GNB5: variants seen among roughly 807,000 people sequenced by gnomAD.
GNB5 encodes G protein subunit beta 5, also known as guanine nucleotide-binding protein subunit beta-5.
In GNB5, 37 loss-of-function variants were observed where a neutral mutation model predicts 55.3. That is an observed-to-expected ratio of 0.67 (90% CI 0.51 to 0.88). The LOEUF is 0.88. GNB5 is among the 40% of genes least tolerant of loss of function. The pLI, the probability that GNB5 is intolerant of heterozygous loss-of-function variation, is 0.00. For missense variants in GNB5, 476 were observed against 515.3 expected (o/e 0.92, Z 0.74); for synonymous variants, 219 against 198.5 (o/e 1.10, Z -0.87).
intron 3 of GNB5, among the ~76,000 whole-genome samples, chr15:52,177,848 T>C (rs2034683284): frequency 6.6e-6 from 1 of 152,136 alleles, no homozygotes; most frequent in South Asian, 2.1e-4. Context: ...TTCTGGTCTT[T>C]CCAGCTCACA....
intron 3 of GNB5, among the ~76,000 whole-genome samples, chr15:52,157,250 C>CT (rs74508387): frequency 0.17 from 18,626 of 111,052 alleles, 1,458 homozygotes; most frequent in Middle Eastern, 0.3. Context: ...TCTTATAGGC[C>CT]TTTTTTTTTT....
Position 52,141,120 on chromosome 15 carries a change from A to G in GNB5, c.627+20T>C. On this transcript the variant is annotated intron_variant, in intron 7 of 12. Transcript: ENST00000261837. ...GTGCTCCTTGGCAGGTCAACCTGAC[A>G]CCGGGGGCTGCCTATTTACCTGCAT... 1.2e-6 allele frequency: 2 copies of G among 1,613,326 alleles called. No homozygotes were observed. The highest frequency in any genetic ancestry group is 1.7e-6 in the Non-Finnish European group (2 of 1,179,336).
chr15:52,120,649 A>AG lies in GNB5; in HGVS notation c.*2107dup, dbSNP rs1250738431. On this transcript the variant is annotated 3_prime_UTR_variant, in exon 13 of 13. Coordinates refer to ENST00000261837, the MANE Select transcript of GNB5 (RefSeq NM_016194.4). Reference sequence around the variant, plus strand: ...AAAAAAAAAAATGGCTGTGGGAGAGAGGGTTGGGGATGCCACCACAAGGAG... The same window carrying AG: ...AAAAAAAAAAATGGCTGTGGGAGAGAGGGGTTGGGGATGCCACCACAAGGAG... The AG allele has an allele frequency of 6.7e-6, 1 of 149,900 alleles. No individual in the cohort carries two copies. Among genetic ancestry groups the AG allele is most frequent in the African/African-American group, 2.5e-5 (1 of 40,714 alleles). The allele number at this position is 149,900 out of a possible 1,614,324, so 9.3% of individuals were successfully genotyped here.
chr15:52,137,820 G>A, intron 7 of GNB5: 1 of 1,278,522 alleles, frequency 7.8e-7, no homozygotes, highest in Non-Finnish European at 1.0e-6. Context: ...GGACCTGCAA[G>A]GGAGAAGCTC....
chr15:52,163,258 A>C (rs1271815180), intron 3 of GNB5, among the ~76,000 whole-genome samples: 1 of 152,234 alleles, frequency 6.6e-6, no homozygotes, highest in Non-Finnish European at 1.5e-5. Flanking sequence ...TCTCAGTGGC[A>C]GCGTGGCCAC....
At chr15:52,168,398 G>A (rs931068902) in intron 3 of GNB5, among the ~76,000 whole-genome samples, 3 of 152,078 alleles carry the variant, frequency 2.0e-5, no homozygotes, top group African/African-American at 4.8e-5. Context: ...AAATACCTGG[G>A]AATACAGCTA....
At chr15:52,161,587 C>A (rs1364893977) in intron 3 of GNB5, among the ~76,000 whole-genome samples, 1 of 152,214 alleles carries the variant, frequency 6.6e-6, no homozygotes, top group Non-Finnish European at 1.5e-5. Flanking sequence ...AGGTGTGAGC[C>A]ACCGTGCCCA....
intron 10 of GNB5, 156 bp from the exon 11 acceptor site, chr15:52,126,200 C>A: frequency 1.8e-6 from 1 of 561,918 alleles, no homozygotes; most frequent in South Asian, 2.4e-5. Context: ...CCTTTAGTCC[C>A]GACTCCTGTT....
At chr15:52,184,255 C>G (rs1354256402) in intron 2 of GNB5, among the ~76,000 whole-genome samples, 1 of 152,154 alleles carries the variant, frequency 6.6e-6, no homozygotes, top group Non-Finnish European at 1.5e-5. Flanking sequence ...CATCATAAAA[C>G]TCTTATGATG....
chr15:52,155,243 AG>A (rs1178628823), intron 3 of GNB5, among the ~76,000 whole-genome samples: 1 of 152,194 alleles, frequency 6.6e-6, no homozygotes, highest in African/African-American at 2.4e-5. Flanking sequence ...AAACAGACAG[AG>A]GAACAGGGTG....
chr15:52,162,017 G>A lies in GNB5; in HGVS notation c.239-7941C>T, dbSNP rs77635807. Among the ~76,000 whole-genome samples, 14 of 152,276 alleles carry A rather than the reference G, an allele frequency of 9.2e-5. No homozygotes were observed. The East Asian group carries it at 1.5e-3, about 17-fold the overall frequency. On this transcript the variant is annotated intron_variant, in intron 3 of 12. Coordinates refer to ENST00000261837, the MANE Select transcript of GNB5 (RefSeq NM_016194.4). Reference sequence around the variant, plus strand: ...AGGGAGGGTGACGGCCAGACAGGAAGGCACGTCTACCCCTAAGTTCCAAAT... The same window carrying A: ...AGGGAGGGTGACGGCCAGACAGGAAAGCACGTCTACCCCTAAGTTCCAAAT...
At chr15:52,162,229 A>G (rs1284262980) in intron 3 of GNB5, among the ~76,000 whole-genome samples, 1 of 152,242 alleles carries the variant, frequency 6.6e-6, no homozygotes, top group Non-Finnish European at 1.5e-5. Flanking sequence ...AGAGTATCTC[A>G]CAGGGCCTTG....
chr15:52,158,757 C>G (rs1296135876), intron 3 of GNB5, among the ~76,000 whole-genome samples: 1 of 151,988 alleles, frequency 6.6e-6, no homozygotes, highest in African/African-American at 2.4e-5. Context: ...TTACGCCATT[C>G]AGATACAGCT....
intron 3 of GNB5, among the ~76,000 whole-genome samples, chr15:52,167,739 C>A (rs983480848): frequency 6.6e-6 from 1 of 151,804 alleles, no homozygotes; most frequent in Admixed American, 6.6e-5. Flanking sequence ...GTGCAAAAAT[C>A]ATCAATAAAT....
intron 9 of GNB5, among the ~76,000 whole-genome samples, chr15:52,129,142 G>A (rs1018243157): frequency 5.9e-5 from 9 of 152,014 alleles, no homozygotes. Flanking sequence ...TTTTAGTAGA[G>A]ACGGGGTTTC....
At chr15:52,163,680 G>C (rs2034390127) in intron 3 of GNB5, among the ~76,000 whole-genome samples, 2 of 152,200 alleles carry the variant, frequency 1.3e-5, no homozygotes, top group Admixed American at 1.3e-4. Flanking sequence ...GGGTGGTCTG[G>C]ATGAGGGAGG....
At chr15:52,147,595 C>CTT in intron 5 of GNB5, 60 bp from the exon 6 acceptor site, 3 of 785,970 alleles carry the variant, frequency 3.8e-6, no homozygotes, top group Non-Finnish European at 5.9e-6. Context: ...TTTTTTTTTT[C>CTT]TTTTTTTTTG....
intron 9 of GNB5, chr15:52,128,783 A>G (rs374543643): frequency 2.2e-6 from 1 of 454,508 alleles, no homozygotes; most frequent in Non-Finnish European, 4.4e-6. Flanking sequence ...GTGCCAATTA[A>G]ATCACATTCA....
chr15:52,139,436 C>T (rs1335433185), intron 7 of GNB5, among the ~76,000 whole-genome samples: 5 of 152,098 alleles, frequency 3.3e-5, no homozygotes, highest in South Asian at 4.1e-4. Context: ...AGCCTGGGTA[C>T]TAGAGTGAGA....
Sources: gnomAD v4.1 joint callset for allele counts (sites outside exome capture counted in the v4.1 genomes callset) on GRCh38, gnomAD v4.1.1 for gene constraint, MANE v1.5 for transcripts, NCBI Gene and HGNC (gene_info 2026-07-23, HGNC 2026-07-21) for gene names.